ZNF695: variants seen among roughly 807,000 people sequenced by gnomAD.
ZNF695 encodes zinc finger protein SBZF3.
ZNF695 carries 11 observed loss-of-function variants against 11.2 expected under a neutral mutation model. The observed-to-expected ratio is 0.98, with a 90% CI of 0.62 to 1.62. The LOEUF (loss-of-function observed/expected upper bound fraction) is 1.62. ZNF695 is among the 40% of genes most tolerant of loss of function. The pLI, the probability that ZNF695 is intolerant of heterozygous loss-of-function variation, is 0.00. For missense variants in ZNF695, 559 were observed against 590.5 expected, an observed-to-expected ratio of 0.95 and a Z score of 0.55; for synonymous variants, 190 against 201.4, an observed-to-expected ratio of 0.94 and a Z score of 0.48.
intron 1 of ZNF695, among the ~76,000 whole-genome samples, chr1:247,006,823 T>C (rs774772644): frequency 1.1e-3 from 171 of 152,162 alleles, no homozygotes; most frequent in Admixed American, 2.3e-3. Context: ...AGTTCCCCTG[T>C]GGAGTGTTAG....
chr1:246,978,030 A>G (rs762586301), intron 4 of ZNF695, among the ~76,000 whole-genome samples: 7 of 152,222 alleles, frequency 4.6e-5, no homozygotes, highest in Non-Finnish European at 8.8e-5. Flanking sequence ...CAACCTGTTC[A>G]GGCACTTCTC....
chr1:247,005,405 C>A (rs923803374), intron 1 of ZNF695, among the ~76,000 whole-genome samples: 1 of 151,962 alleles, frequency 6.6e-6, no homozygotes, highest in Non-Finnish European at 1.5e-5. Flanking sequence ...AAAACTTGAC[C>A]CCTTGGCCGG....
At chr1:246,995,118 C>T (rs944863732) in intron 3 of ZNF695, among the ~76,000 whole-genome samples, 6 of 152,142 alleles carry the variant, frequency 3.9e-5, no homozygotes, top group Non-Finnish European at 7.3e-5. Context: ...ACAACAGAAT[C>T]CACGATATTC....
chr1:247,001,574 G>C (rs1406189921), intron 1 of ZNF695, among the ~76,000 whole-genome samples: 1 of 151,496 alleles, frequency 6.6e-6, no homozygotes, highest in Non-Finnish European at 1.5e-5. Context: ...TTAGCTACAC[G>C]TGGTGGCGGG....
chr1:246,984,565 G>GTT (rs1361577093), downstream of ZNF695, among the ~76,000 whole-genome samples: 2 of 152,092 alleles, frequency 1.3e-5, no homozygotes, highest in African/African-American at 2.4e-5. Flanking sequence ...CTGGCACTGC[G>GTT]TTATGTTTCT....
chr1:247,000,072 T>C lies in ZNF695; in HGVS notation c.6A>G (p.Gly2=). The C allele has an allele frequency of 6.3e-7, 1 of 1,599,780 alleles. No homozygotes were observed. Among genetic ancestry groups the C allele is most frequent in the Non-Finnish European group, 8.5e-7 (1 of 1,175,718 alleles). M[G]LLAFRDVALE... is the part of the protein sequence containing the mutation. ...GAGCCACATCCCTGAATGCCAATAG[T>C]CCCTGAAAAAGAAAACATATTTACC... Residue 2 remains glycine (G), a splice_region_variant and synonymous_variant, in exon 2 of 4, where the codon GGA becomes GGG. Transcript: ENST00000339986.
Position 246,986,352 on chromosome 1 carries a change from G to C in ZNF695, c.*615C>G, listed in dbSNP as rs1272534036. 1 of 984,752 alleles carries C rather than the reference G, an allele frequency of 1.0e-6. No individual in the cohort carries two copies. Among genetic ancestry groups the C allele is most frequent in the Non-Finnish European group, 1.2e-6 (1 of 829,426 alleles). 61.0% of individuals were successfully genotyped at this position (984,752 alleles called of 1,614,324 possible). A position where few individuals can be genotyped will look rare whatever the true frequency, so the allele number is the denominator to read the frequency against. On this transcript the variant is annotated 3_prime_UTR_variant, in exon 4 of 4. Coordinates refer to ENST00000339986, the MANE Select transcript of ZNF695 (RefSeq NM_020394.5). ...AAAAGTGCAGCAACTATAGGAAAGA[G>C]CCACCGTGCCTGGCACCAAAAGGTA...
chr1:246,991,535 A>G (rs1669032802), intron 3 of ZNF695, among the ~76,000 whole-genome samples: 1 of 152,232 alleles, frequency 6.6e-6, no homozygotes, highest in Non-Finnish European at 1.5e-5. Flanking sequence ...TGTCAACATC[A>G]CTGATCATCA....
intron 3 of ZNF695, among the ~76,000 whole-genome samples, chr1:246,995,466 A>T (rs1026289904): frequency 3.3e-5 from 5 of 152,216 alleles, no homozygotes; most frequent in African/African-American, 1.2e-4. Flanking sequence ...CAGTGCGTGA[A>T]GGAACCATGA....
chr1:246,988,905 A>G (rs1317470865), intron 3 of ZNF695, among the ~76,000 whole-genome samples: 1 of 152,060 alleles, frequency 6.6e-6, no homozygotes, highest in African/African-American at 2.4e-5. Flanking sequence ...CCTGGCCAAC[A>G]CAGTGAAACC....
At chr1:246,962,526 T>G (rs879578921) in intron 5 of ZNF695, among the ~76,000 whole-genome samples, 2 of 152,132 alleles carry the variant, frequency 1.3e-5, no homozygotes, top group Admixed American at 6.5e-5. Context: ...CTGACTTAAT[T>G]CAGGTCCTCA....
chr1:246,974,306 C>T (rs1003793999), intron 4 of ZNF695, among the ~76,000 whole-genome samples: 2 of 152,174 alleles, frequency 1.3e-5, no homozygotes, highest in African/African-American at 2.4e-5. Flanking sequence ...AGACACAAAG[C>T]AAGAGTACTT....
intron 4 of ZNF695, among the ~76,000 whole-genome samples, chr1:246,975,264 T>C (rs923941562): frequency 2.0e-5 from 3 of 152,214 alleles, no homozygotes; most frequent in Admixed American, 6.5e-5. Context: ...AAATGAGTGA[T>C]ATGCTGTTGG....
At chr1:246,962,816 C>T (rs1244368202) in intron 5 of ZNF695, among the ~76,000 whole-genome samples, 1 of 152,074 alleles carries the variant, frequency 6.6e-6, no homozygotes, top group African/African-American at 2.4e-5. Context: ...CCTCAGCCTC[C>T]CGAGTAGTTG....
At chr1:246,984,279 T>TA (rs1558313783), downstream of ZNF695, among the ~76,000 whole-genome samples, 973 of 125,476 alleles carry the variant, frequency 7.8e-3, 25 homozygotes, top group Admixed American at 0.018. Context: ...AACACAGGTT[T>TA]TAAAAAAAAA....
chr1:246,999,265 C>T, intron 3 of ZNF695, 83 bp downstream of exon 3: 1 of 1,146,602 alleles, frequency 8.7e-7, no homozygotes, highest in Non-Finnish European at 1.3e-6. Flanking sequence ...GGGAGTAGAG[C>T]TTCCCAAACC....
intron 5 of ZNF695, chr1:246,967,522 A>G: frequency 2.2e-6 from 1 of 449,010 alleles, no homozygotes. Flanking sequence ...GGTCTGAGAA[A>G]CTCTAAGGAT....
chr1:246,994,927 T>A (rs1558318555), intron 3 of ZNF695, among the ~76,000 whole-genome samples: 1 of 152,206 alleles, frequency 6.6e-6, no homozygotes, highest in African/African-American at 2.4e-5. Context: ...AAAGGTTTTG[T>A]TCACAGAAAA....
At chr1:246,973,798 G>T (rs1668488363) in intron 4 of ZNF695, among the ~76,000 whole-genome samples, 1 of 152,102 alleles carries the variant, frequency 6.6e-6, no homozygotes, top group African/African-American at 2.4e-5. Context: ...GATGGAATTG[G>T]GATTCAAATC....
Sources: gnomAD v4.1 joint callset for allele counts (sites outside exome capture counted in the v4.1 genomes callset) on GRCh38, gnomAD v4.1.1 for gene constraint, MANE v1.5 for transcripts, NCBI Gene and HGNC (gene_info 2026-07-23, HGNC 2026-07-21) for gene names.